The following LRBA variants were observed in gnomAD, a reference collection of about 807,000 sequenced individuals.
The protein encoded by LRBA is lipopolysaccharide-responsive and beige-like anchor protein.
A neutral mutation model predicts 330.0 loss-of-function variants in LRBA; 176 were observed. The observed-to-expected ratio is 0.53, with a 90% CI of 0.47 to 0.60. LRBA has a LOEUF of 0.60. LRBA is among the 20% of genes least tolerant of loss of function. The pLI, the probability that LRBA is intolerant of heterozygous loss-of-function variation, is 0.00. For missense variants in LRBA, 3,259 were observed against 3,444.8 expected (o/e 0.95, Z 1.35); for synonymous variants, 1,230 against 1,193.0 (o/e 1.03, Z -0.64).
At chr4:150,474,902 G>C (rs747613118) in intron 42 of LRBA, among the ~76,000 whole-genome samples, 10 of 152,142 alleles carry the variant, frequency 6.6e-5, no homozygotes, top group Non-Finnish European at 1.3e-4. Flanking sequence ...TCAACATTAA[G>C]TATGATGTAC....
intron 2 of LRBA, among the ~76,000 whole-genome samples, chr4:150,930,496 A>T (rs1013003376): frequency 2.6e-5 from 4 of 152,154 alleles, no homozygotes; most frequent in African/African-American, 4.8e-5. Flanking sequence ...CCATCTCAAA[A>T]AAAAATAAAA....
intron 13 of LRBA, among the ~76,000 whole-genome samples, 173 bp from the exon 14 acceptor site, chr4:150,900,390 C>T (rs1467266950): frequency 1.3e-5 from 2 of 152,186 alleles, no homozygotes; most frequent in African/African-American, 4.8e-5. Flanking sequence ...AGCACATGCA[C>T]ACACACTCCT....
At chr4:150,887,584 C>T (rs1487985572) in intron 17 of LRBA, among the ~76,000 whole-genome samples, 2 of 151,690 alleles carry the variant, frequency 1.3e-5, no homozygotes, top group Non-Finnish European at 2.9e-5. Flanking sequence ...CTGGCTAATA[C>T]GGTGAAACCC....
chr4:150,993,331 G>T (rs919413650), intron 2 of LRBA, among the ~76,000 whole-genome samples: 13 of 152,074 alleles, frequency 8.5e-5, no homozygotes, highest in African/African-American at 3.1e-4. Flanking sequence ...AAAAATAAAT[G>T]AAAATAGGAG....
intron 9 of LRBA, among the ~76,000 whole-genome samples, chr4:150,911,259 T>C (rs957301481): frequency 1.3e-5 from 2 of 152,208 alleles, no homozygotes. Context: ...CTTGCTTTGT[T>C]CCTGATTTTA....
chr4:150,585,550 C>G lies in LRBA; in HGVS notation c.6330+2498G>C, dbSNP rs75059004. 6.6e-5 allele frequency among the ~76,000 whole-genome samples: 10 copies of G among 152,226 alleles called. No individual in the cohort carries two copies. In the East Asian group the frequency reaches 1.9e-3, roughly 29 times the overall value. ...GTTTCTTTTTAATGCAAGGGAATAACTGATTAGAAAATAATATAATTAGTC... is the reference window on the plus strand; with the variant it reads ...GTTTCTTTTTAATGCAAGGGAATAAGTGATTAGAAAATAATATAATTAGTC... On this transcript the variant is annotated intron_variant, in intron 40 of 56. Transcript: ENST00000651943.
chr4:150,823,317 AT>A (rs1198826435), intron 30 of LRBA, among the ~76,000 whole-genome samples: 2 of 152,136 alleles, frequency 1.3e-5, no homozygotes, highest in African/African-American at 4.8e-5. Flanking sequence ...ATTTCTTCCT[AT>A]AGAGTTGGTT....
chr4:150,786,195 T>C (rs1739031017), intron 34 of LRBA, among the ~76,000 whole-genome samples: 1 of 152,170 alleles, frequency 6.6e-6, no homozygotes, highest in Admixed American at 6.5e-5. Context: ...ATCACTGTTG[T>C]AGACCCTAAG....
chr4:150,906,311 A>G lies in LRBA; in HGVS notation c.1588T>C (p.Tyr530His), dbSNP rs775292703. The G allele has an allele frequency of 5.7e-6, 9 of 1,592,810 alleles. No homozygotes were observed. The African/African-American group carries it at 9.4e-5, about 17-fold the overall frequency. ...LACKGFLVIG[Y>H]SLEKSSKSHV... ...TCATACTTTACCTTTTCAAGGCTAT[A>G]TCCTATTACCAAGAAGCCCTTACAG... Residue 530 changes from tyrosine to histidine, a missense_variant, in exon 12 of 57, where the codon TAT (tyrosine) becomes CAT (histidine). Tyr to His is a moderately conservative substitution (Grantham distance 83, BLOSUM62 2). Transcript: ENST00000651943.
At chr4:150,394,426 G>A (rs1206671258) in intron 47 of LRBA, among the ~76,000 whole-genome samples, 1 of 152,192 alleles carries the variant, frequency 6.6e-6, no homozygotes, top group Non-Finnish European at 1.5e-5. Flanking sequence ...TTAAGTTAGA[G>A]TTGTAGGTCT....
intron 36 of LRBA, among the ~76,000 whole-genome samples, chr4:150,715,215 T>TA (rs1786626656): frequency 6.6e-6 from 1 of 152,170 alleles, no homozygotes; most frequent in Non-Finnish European, 1.5e-5. Flanking sequence ...TTTGAGTTCA[T>TA]ACCTAGAAAC....
chr4:150,755,677 G>GT (rs1477562543), intron 35 of LRBA, among the ~76,000 whole-genome samples: 1 of 151,792 alleles, frequency 6.6e-6, no homozygotes, highest in Non-Finnish European at 1.5e-5. Flanking sequence ...AACTATGCCG[G>GT]TTTTTTTATT....
intron 37 of LRBA, among the ~76,000 whole-genome samples, chr4:150,619,615 T>C (rs983851092): frequency 6.6e-6 from 1 of 152,170 alleles, no homozygotes; most frequent in African/African-American, 2.4e-5. Context: ...CAGATTCCTA[T>C]ATAATTTTGT....
Position 150,264,905 on chromosome 4 carries a change from GGTGCCCCAACAAAACAACA to G in LRBA, c.*798_*816del, listed in dbSNP as rs1560930972. Reference sequence around the variant, plus strand: ...ATTTGCAAACCCGGGGAGGGAAGGGGGTGCCCCAACAAAACAACAGTGGCTCCGCCTCATTGTCCAGGCA... The same window carrying G: ...ATTTGCAAACCCGGGGAGGGAAGGGGGTGGCTCCGCCTCATTGTCCAGGCA... On this transcript the variant is annotated 3_prime_UTR_variant, in exon 57 of 57. Transcript: ENST00000651943. 3.0e-5 allele frequency: 1 copy of G among 33,024 alleles called. No homozygotes were observed. Among genetic ancestry groups the G allele is most frequent in the East Asian group, 4.2e-4 (1 of 2,390 alleles). 2.0% of individuals were successfully genotyped at this position (33,024 alleles called of 1,614,324 possible).
intron 40 of LRBA, among the ~76,000 whole-genome samples, chr4:150,491,750 C>T (rs924986800): frequency 6.6e-6 from 1 of 152,126 alleles, no homozygotes; most frequent in Non-Finnish European, 1.5e-5. Flanking sequence ...CAAAGTAATC[C>T]TGTCTTTAGT....
intron 35 of LRBA, among the ~76,000 whole-genome samples, chr4:150,753,092 T>C (rs1039114244): frequency 2.6e-5 from 4 of 152,216 alleles, no homozygotes; most frequent in African/African-American, 7.2e-5. Flanking sequence ...TGGCGATTCA[T>C]AGAAATTCAT....
At chr4:150,861,727 A>C (rs1045424172) in intron 22 of LRBA, among the ~76,000 whole-genome samples, 4 of 152,170 alleles carry the variant, frequency 2.6e-5, no homozygotes, top group Non-Finnish European at 5.9e-5. Context: ...GCTTACTGTA[A>C]CATTTTAACT....
intron 16 of LRBA, 39 bp from the exon 17 acceptor site, chr4:150,893,188 A>G (rs1324055184): frequency 8.7e-7 from 1 of 1,147,410 alleles, no homozygotes; most frequent in South Asian, 1.4e-5. Context: ...AAAATGAGGA[A>G]AAAACAACTT....
intron 45 of LRBA, 24 bp from the exon 46 acceptor site, chr4:150,435,732 T>C: frequency 6.3e-7 from 1 of 1,584,348 alleles, no homozygotes; most frequent in Non-Finnish European, 8.6e-7. Context: ...ATTAAAAAAA[T>C]CCATATGTTC....
Sources: allele counts gnomAD v4.1 joint callset (sites outside exome capture counted in the v4.1 genomes callset), GRCh38; gene constraint gnomAD v4.1.1; transcripts MANE v1.5; gene names NCBI Gene and HGNC (gene_info 2026-07-23, HGNC 2026-07-21).